MACF1: variants seen among roughly 807,000 people sequenced by gnomAD.
MACF1 encodes the protein microtubule actin crosslinking factor 1.
Under a neutral mutation model 854.8 loss-of-function variants are expected in MACF1, and 193 were observed. The observed-to-expected ratio is 0.23, with a 90% confidence interval of 0.20 to 0.25. The LOEUF is 0.25. MACF1 is among the 10% of genes least tolerant of loss of function. The pLI is 1.00. For synonymous variants in MACF1, 3,185 were observed against 3,226.7 expected, an observed-to-expected ratio of 0.99 and a Z score of 0.44; for missense variants, 7,722 against 8,929.1, an observed-to-expected ratio of 0.86 and a Z score of 5.45.
intron 2 of MACF1, among the ~76,000 whole-genome samples, chr1:39,133,189 A>G (rs1643054032): frequency 6.6e-6 from 1 of 152,150 alleles, no homozygotes. Context: ...TCACTAGCCG[A>G]CTTGGCTGCT....
intron 58 of MACF1, among the ~76,000 whole-genome samples, chr1:39,395,600 G>A (rs1642241634): frequency 6.6e-6 from 1 of 152,122 alleles, no homozygotes; most frequent in African/African-American, 2.4e-5. Flanking sequence ...CATACTTCAG[G>A]GAGCTTCCTT....
chr1:39,120,388 A>T (rs1284308296), intron 2 of MACF1, among the ~76,000 whole-genome samples: 1 of 151,950 alleles, frequency 6.6e-6, no homozygotes, highest in Admixed American at 6.6e-5. Flanking sequence ...CAAGAGTGAG[A>T]CTGAGTCTCA....
At chr1:39,109,127 T>C (rs1424879373) in intron 2 of MACF1, among the ~76,000 whole-genome samples, 1 of 152,236 alleles carries the variant, frequency 6.6e-6, no homozygotes, top group Non-Finnish European at 1.5e-5. Flanking sequence ...AGTTAATTTC[T>C]ACTGTGTGAC....
At position 39,458,395 on chromosome 1, in the gene MACF1, A is replaced by G; in HGVS notation, c.21101A>G (p.Lys7034Arg). 6.2e-7 allele frequency: 1 copy of G among 1,613,866 alleles called. No homozygotes were observed. Among genetic ancestry groups the G allele is most frequent in the Non-Finnish European group, 8.5e-7 (1 of 1,179,936 alleles). The change falls in exon 90 of 101, where the codon AAA (lysine) becomes AGA (arginine). Residue 7034 changes from lysine to arginine, a missense_variant. By Grantham distance (26) the Lys-to-Arg change is conservative (BLOSUM62 2). Around this residue, in one of 15 missense-constraint regions of MACF1, gnomAD observed 729 missense variants for 900.5 expected, o/e 0.81. Coordinates refer to ENST00000564288, the MANE Select transcript of MACF1 (RefSeq NM_001394062.1). Reference protein sequence around the residue: ...HQTFMEEMTRKQPDVDRVTKT... With the variant: ...HQTFMEEMTRRQPDVDRVTKT... ...ACATTTATGGAGGAGATGACTCGCA[A>G]ACAGCCTGACGTGGACCGGGTCACC...
chr1:39,305,260 CAA>C (rs925943198), intron 23 of MACF1, among the ~76,000 whole-genome samples: 10 of 66,046 alleles, frequency 1.5e-4, no homozygotes, highest in African/African-American at 3.1e-4. Context: ...GACTCTGTCT[CAA>C]AAAAAAAAAA....
intron 96 of MACF1, 84 bp from the exon 97 acceptor site, chr1:39,469,463 C>A: frequency 9.9e-7 from 1 of 1,007,900 alleles, no homozygotes; most frequent in Non-Finnish European, 1.5e-6. Flanking sequence ...GGCTCCCCCA[C>A]TGTCTGCCAA....
Position 39,322,957 on chromosome 1 carries a change from T to G in MACF1, c.4185T>G (p.Thr1395=). ...TRYTALVTLT[T]QHVKYISDAL... is the part of the protein sequence containing the mutation. ...ACACGGCATTGGTGACTTTAACAACTCAGCACGTGAAATACATCAGTGATG... is the reference window on the plus strand; with the variant it reads ...ACACGGCATTGGTGACTTTAACAACGCAGCACGTGAAATACATCAGTGATG... Residue 1395 remains threonine, a synonymous_variant, in exon 33 of 101, where the codon ACT becomes ACG. Coordinates refer to ENST00000564288, the MANE Select transcript of MACF1 (RefSeq NM_001394062.1). 6.2e-7 allele frequency: 1 copy of G among 1,614,064 alleles called. No individual in the cohort carries two copies. The highest frequency in any genetic ancestry group is 1.1e-5 in the South Asian group (1 of 91,082).
chr1:39,100,784 G>A (rs552853353), intron 2 of MACF1, among the ~76,000 whole-genome samples: 1 of 152,196 alleles, frequency 6.6e-6, no homozygotes, highest in South Asian at 2.1e-4. Context: ...AACTCAGGAG[G>A]TGGAGGTTGC....
chr1:39,462,164 A>T, intron 93 of MACF1, 127 bp downstream of exon 93: 1 of 890,764 alleles, frequency 1.1e-6, no homozygotes, highest in Non-Finnish European at 1.7e-6. Flanking sequence ...TTGGAGTTCT[A>T]TTTTGAGATC....
At chr1:39,144,407 G>A (rs1571096222) in intron 2 of MACF1, among the ~76,000 whole-genome samples, 1 of 151,922 alleles carries the variant, frequency 6.6e-6, no homozygotes, top group Admixed American at 6.6e-5. Flanking sequence ...TTTATTTTTA[G>A]CAACTCCATA....
rs1421355436 is a variant in MACF1, at chr1:39,292,848, G to A, written c.1992+5G>A. ...ACACAGTATTGTAAATTGAAGGTGA[G>A]TTTCTGCCGATTCTCTTACATTCTG... is the stretch of plus-strand genomic sequence containing the variant. On this transcript the variant is annotated splice_donor_5th_base_variant and intron_variant, in intron 17 of 100. Transcript: ENST00000564288. 1 of 1,610,164 alleles carries A rather than the reference G, an allele frequency of 6.2e-7. No homozygotes were observed.
At chr1:39,390,829 C>T (rs1278419927) in intron 58 of MACF1, among the ~76,000 whole-genome samples, 2 of 152,004 alleles carry the variant, frequency 1.3e-5, no homozygotes, top group Non-Finnish European at 2.9e-5. Flanking sequence ...TTTTATCAGC[C>T]GGGTGCGGTG....
intron 65 of MACF1, 101 bp downstream of exon 65, chr1:39,430,169 GC>G: frequency 7.6e-7 from 1 of 1,310,974 alleles, no homozygotes; most frequent in Non-Finnish European, 1.0e-6. Context: ...AAAAATATGT[GC>G]CCCCTTTCTT....
At chr1:39,219,474 T>C (rs1455887115) in intron 1 of MACF1, among the ~76,000 whole-genome samples, 1 of 151,980 alleles carries the variant, frequency 6.6e-6, no homozygotes, top group East Asian at 1.9e-4. Context: ...CAGCACCTGA[T>C]ACATAATAAA....
At chr1:39,315,485 C>T in intron 26 of MACF1, 28 bp from the exon 27 acceptor site, 2 of 1,610,950 alleles carry the variant, frequency 1.2e-6, no homozygotes, top group South Asian at 2.2e-5. Flanking sequence ...TTCTGTCTCC[C>T]TCTTTATGTG....
At chr1:39,383,189 C>T (rs1007869837) in intron 56 of MACF1, among the ~76,000 whole-genome samples, 2 of 152,200 alleles carry the variant, frequency 1.3e-5, no homozygotes, top group African/African-American at 2.4e-5. Context: ...GAGGCTTTTA[C>T]TTCTTTTACA....
intron 81 of MACF1, 41 bp from the exon 82 acceptor site, chr1:39,447,651 A>G: frequency 1.2e-6 from 2 of 1,613,674 alleles, no homozygotes; most frequent in Non-Finnish European, 1.7e-6. Flanking sequence ...ATGCCCCTTT[A>G]TCTTATCTTA....
intron 2 of MACF1, among the ~76,000 whole-genome samples, chr1:39,244,130 A>G (rs1427033638): frequency 6.6e-6 from 1 of 151,694 alleles, no homozygotes; most frequent in Non-Finnish European, 1.5e-5. Flanking sequence ...GGGGGGACAG[A>G]GTCTCACTCT....
At chr1:39,166,216 T>C (rs1296260372) in intron 2 of MACF1, among the ~76,000 whole-genome samples, 1 of 151,106 alleles carries the variant, frequency 6.6e-6, no homozygotes, top group Non-Finnish European at 1.5e-5. Context: ...TATAGGCGTG[T>C]GCCACCATGC....
Sources: allele counts gnomAD v4.1 joint callset (sites outside exome capture counted in the v4.1 genomes callset), GRCh38; gene constraint gnomAD v4.1.1; regional missense constraint gnomAD v4.1.1; transcripts MANE v1.5; gene names NCBI Gene and HGNC (gene_info 2026-07-23, HGNC 2026-07-21).